The following LRCH4 variants were observed in gnomAD, a reference collection of about 807,000 sequenced individuals.
LRCH4 encodes leucine rich repeats and calponin homology domain containing 4.
A neutral mutation model predicts 81.2 loss-of-function variants in LRCH4; 56 were observed. The ratio of observed to expected loss-of-function variants is 0.69; its 90% confidence interval spans 0.56 to 0.86. The LOEUF (loss-of-function observed/expected upper bound fraction) is 0.86. Ranked by LOEUF, LRCH4 falls within the 40% of genes least tolerant of loss-of-function variation. LRCH4 has a pLI of 0.00. For missense variants in LRCH4, 895 were observed against 922.8 expected, an observed-to-expected ratio of 0.97 and a Z score of 0.39; for synonymous variants, 442 against 409.7, an observed-to-expected ratio of 1.08 and a Z score of -0.95.
chr7:100,581,535 CT>C (rs910334908), intron 4 of LRCH4: 3 of 449,794 alleles, frequency 6.7e-6, no homozygotes, highest in African/African-American at 2.0e-5. Context: ...CCCCAGAGGG[CT>C]GTCTCTGCTC....
chr7:100,576,384 G>T, intron 14 of LRCH4, 61 bp from the exon 15 acceptor site: 1 of 1,267,722 alleles, frequency 7.9e-7, no homozygotes, highest in Non-Finnish European at 1.1e-6. Context: ...CTGTAGCTGG[G>T]TCCCAGTGGC....
Position 100,582,996 on chromosome 7 carries a change from A to C in LRCH4, c.221-537T>G, listed in dbSNP as rs1314704146. Among the ~76,000 whole-genome samples the C allele has an allele frequency of 6.6e-6, 1 of 152,180 alleles. No homozygotes were observed. The highest frequency in any genetic ancestry group is 1.5e-5 in the Non-Finnish European group (1 of 68,034). On this transcript the variant is annotated intron_variant, in intron 1 of 17. Coordinates refer to ENST00000310300, the MANE Select transcript of LRCH4 (RefSeq NM_002319.5). The surrounding 1 kb of genome is among the most constrained non-coding windows in gnomAD (Gnocchi z 5.0). ...TCACTCTATCTTGGTTCTAGAGATA[A>C]AGTCCCCGACACCGGACGAGTTTTT...
chr7:100,576,533 C>T (rs1354271232), intron 14 of LRCH4, 161 bp downstream of exon 14: 18 of 706,408 alleles, frequency 2.5e-5, no homozygotes, highest in South Asian at 5.6e-5. Context: ...TAAAGTGCTG[C>T]GATTACAGGT....
intron 1 of LRCH4, chr7:100,584,200 G>T (rs1170971294): frequency 4.4e-6 from 2 of 456,402 alleles, no homozygotes; most frequent in Non-Finnish European, 8.8e-6. Flanking sequence ...TGGAGGGCAG[G>T]GTATGGGCAA....
chr7:100,578,595 C>G lies in LRCH4; in HGVS notation c.735+55G>C. The G allele has an allele frequency of 6.2e-7, 1 of 1,602,990 alleles. No individual in the cohort carries two copies. Among genetic ancestry groups the G allele is most frequent in the Non-Finnish European group, 8.5e-7 (1 of 1,173,396 alleles). On this transcript the variant is annotated intron_variant, in intron 5 of 17. Transcript: ENST00000310300. This position sits in a 1 kb window ranked among gnomAD's most constrained non-coding sequence, Gnocchi z 5.7. ...GCTCAGCTATCCAAGGGGACCAACC[C>G]CACTCCTGCCTAGCCACACCCCTGT...
chr7:100,577,344 C>T lies in LRCH4; in HGVS notation c.1224G>A (p.Leu408=). ...AGEERRRPDT[L]QLWQERERRQ... ...GCCGTTCCCGCTCCTGCCACAGCTG[C>T]AAGGTGTCCGGGCGCCGCCGCTCCT... The change falls in exon 11 of 18, where the codon TTG becomes TTA. Residue 408 remains leucine, a synonymous_variant. Transcript: ENST00000310300. This position sits in a 1 kb window ranked among gnomAD's most constrained non-coding sequence, Gnocchi z 6.7. 1 of 1,599,682 alleles carries T rather than the reference C, an allele frequency of 6.3e-7. No homozygotes were observed. The highest frequency in any genetic ancestry group is 1.7e-5 in the Admixed American group (1 of 59,928).
Position 100,586,067 on chromosome 7 carries a change from C to A in LRCH4, c.34G>T (p.Gly12Trp). ...AAAVAAPLAA[G>W]GEEAAATTSV... ...GTCGTGGCTGCCGCCTCCTCACCCC[C>A]GGCGGCGAGTGGAGCCGCTACGGCC... Residue 12 changes from glycine to tryptophan, a missense_variant, in exon 1 of 18, where the codon GGG becomes TGG. By Grantham distance (184) the Gly-to-Trp change is radical. Coordinates refer to ENST00000310300, the MANE Select transcript of LRCH4 (RefSeq NM_002319.5). The A allele has an allele frequency of 6.4e-7, 1 of 1,560,454 alleles. No homozygotes were observed. Among genetic ancestry groups the A allele is most frequent in the Non-Finnish European group, 8.7e-7 (1 of 1,154,480 alleles).
chr7:100,584,866 G>C, intron 1 of LRCH4: 1 of 439,552 alleles, frequency 2.3e-6, no homozygotes, highest in South Asian at 1.6e-5. Context: ...AGGAGGAAGA[G>C]GCCTGGGCTG....
chr7:100,576,288 G>A lies in LRCH4; in HGVS notation c.1588C>T (p.Arg530Trp), dbSNP rs752481510. Reference protein sequence around the residue: ...SSPDSVLRPRRYPQVPDEKDL... With the variant: ...SSPDSVLRPRWYPQVPDEKDL... ...TTCTCATCTGGAACCTGGGGGTACC[G>A]CCGAGGTCTCAGGACAGAGTCTGGT... The change falls in exon 15 of 18, where the codon CGG (arginine) becomes TGG (tryptophan). Residue 530 changes from arginine (R) to tryptophan (W), a missense_variant. Around this residue, in one of 3 missense-constraint regions of LRCH4, gnomAD observed 529 missense variants for 504.9 expected, o/e 1.05. Transcript: ENST00000310300. 1.4e-5 allele frequency: 23 copies of A among 1,614,108 alleles called. No homozygotes were observed. The East Asian group carries it at 2.0e-4, about 14-fold the overall frequency.
intron 14 of LRCH4, 40 bp downstream of exon 14, chr7:100,576,654 G>A: frequency 6.6e-7 from 1 of 1,517,390 alleles, no homozygotes; most frequent in South Asian, 1.2e-5. Context: ...GTTGGTGCTG[G>A]CAAGCACTGG....
rs553157730 is a variant in LRCH4 at position 100,582,419 on chromosome 7, C to T, written c.261G>A (p.Ala87=). ...GGCCCTCCAGGGACACCAGCTGGCA[C>T]GCCGCCTCGGGCACCTCGGGAAACC... ...RNRFPEVPEA[A]CQLVSLEGLS... is the part of the protein sequence containing the mutation. Residue 87 remains alanine (A), a synonymous_variant, in exon 2 of 18, where the codon GCG becomes GCA. Coordinates refer to ENST00000310300, the MANE Select transcript of LRCH4 (RefSeq NM_002319.5). This position sits in a 1 kb window ranked among gnomAD's most constrained non-coding sequence, Gnocchi z 5.0. 73 of 1,612,986 alleles carry T rather than the reference C, an allele frequency of 4.5e-5. No individual in the cohort carries two copies. Among genetic ancestry groups the T allele is most frequent in the South Asian group, 3.6e-4 (33 of 91,080 alleles).
chr7:100,577,680 T>G lies in LRCH4; in HGVS notation c.1100A>C (p.Glu367Ala). The G allele has an allele frequency of 6.2e-7, 1 of 1,613,876 alleles. No individual in the cohort carries two copies. Among genetic ancestry groups the G allele is most frequent in the Non-Finnish European group, 8.5e-7 (1 of 1,179,962 alleles). ...GGCTCTCACCTCCACAGTGCCTCGC[T>G]CTTCATCCTCCCCGGGGACATGGCT... ...IDSHVPGEDE[E>A]RGTVEEQRPP... The change falls in exon 9 of 18, where the codon GAG becomes GCG. Residue 367 changes from glutamate (E) to alanine (A), a missense_variant. Physicochemically the swap from Glu to Ala is moderately radical, Grantham distance 107 (BLOSUM62 -1). Transcript: ENST00000310300. This position sits in a 1 kb window ranked among gnomAD's most constrained non-coding sequence, Gnocchi z 6.7.
chr7:100,577,297 G>A lies in LRCH4; in HGVS notation c.1271C>T (p.Ala424Val), dbSNP rs777783218. ...RERRQQQQSG[A>V]WGAPRKDSLL... ...CCTATCCTTCCTCGGGGCCCCCCACGCCCCGCTCTGCTGCTGCTGCCGCCG... is the reference window on the plus strand; with the variant it reads ...CCTATCCTTCCTCGGGGCCCCCCACACCCCGCTCTGCTGCTGCTGCCGCCG... The change falls in exon 11 of 18, where the codon GCG (alanine) becomes GTG (valine). Residue 424 changes from alanine (A) to valine (V), a missense_variant. Coordinates refer to ENST00000310300, the MANE Select transcript of LRCH4 (RefSeq NM_002319.5). This position sits in a 1 kb window ranked among gnomAD's most constrained non-coding sequence, Gnocchi z 6.7. 1.6e-5 allele frequency: 26 copies of A among 1,597,598 alleles called. No individual in the cohort carries two copies. Among genetic ancestry groups the A allele is most frequent in the African/African-American group, 4.0e-5 (3 of 74,856 alleles).
At chr7:100,584,593 A>G (rs1801664686) in intron 1 of LRCH4, 5 of 390,256 alleles carry the variant, frequency 1.3e-5, no homozygotes, top group South Asian at 8.7e-5. Context: ...ACAGCTGCTG[A>G]GGTCAATCTG....
Position 100,575,198 on chromosome 7 carries a change from CA to C in LRCH4, c.1960del (p.Trp654GlyfsTer96). On this transcript the variant is annotated frameshift_variant, in exon 18 of 18. Transcript: ENST00000310300. LOFTEE classifies it high-confidence loss of function. The surrounding 1 kb of genome is among the most constrained non-coding windows in gnomAD (Gnocchi z 5.3). Reference protein sequence around the residue: ...RVGGKALPPLWPPSGLGGFVV... With the variant: ...RVGGKALPPLXPPSGLGGFVV... ...GAAGCCGCCCAGACCAGAGGGGGGC[CA>C]GAGGGGCGGTAGGGCCTTGCCCCCC... The C allele has an allele frequency of 6.2e-7, 1 of 1,612,670 alleles. No homozygotes were observed. The highest frequency in any genetic ancestry group is 8.5e-7 in the Non-Finnish European group (1 of 1,179,400).
chr7:100,576,429 G>A (rs958675373), intron 14 of LRCH4, 106 bp from the exon 15 acceptor site: 7 of 796,740 alleles, frequency 8.8e-6, no homozygotes, highest in Non-Finnish European at 1.4e-5. Flanking sequence ...CTGCTTGTGG[G>A]ATTTTTTTTT....
At chr7:100,584,884 G>T (rs1429529502) in intron 1 of LRCH4, 1 of 420,274 alleles carries the variant, frequency 2.4e-6, no homozygotes, top group Non-Finnish European at 4.8e-6. Flanking sequence ...CTGGGGTGAG[G>T]CTTCGGGAAT....
rs566476250 is a variant in LRCH4, at chr7:100,586,068, G to A, written c.33C>T (p.Ala11=). 41 of 1,557,648 alleles carry A rather than the reference G, an allele frequency of 2.6e-5. No individual in the cohort carries two copies. In the East Asian group the frequency reaches 8.5e-4, roughly 32 times the overall value. ...TCGTGGCTGCCGCCTCCTCACCCCC[G>A]GCGGCGAGTGGAGCCGCTACGGCCG... The part of the protein sequence containing the change: MAAAVAAPLA[A]GGEEAAATTS... Residue 11 remains alanine (A), a synonymous_variant, in exon 1 of 18, where the codon GCC becomes GCT. Transcript: ENST00000310300.
At chr7:100,576,840 C>T (rs997992782) in intron 13 of LRCH4, 62 bp downstream of exon 13, 6 of 1,538,656 alleles carry the variant, frequency 3.9e-6, no homozygotes, top group Non-Finnish European at 5.3e-6. Flanking sequence ...CTCTGTGTCC[C>T]TCTCTCCCAA....
Sources: allele counts gnomAD v4.1 joint callset (sites outside exome capture counted in the v4.1 genomes callset), GRCh38; gene constraint gnomAD v4.1.1; regional missense constraint gnomAD v4.1.1; non-coding constraint Gnocchi (gnomAD v3.1); transcripts MANE v1.5; gene names NCBI Gene and HGNC (gene_info 2026-07-23, HGNC 2026-07-21).